PITRM1: variants seen among roughly 807,000 people sequenced by gnomAD.
PITRM1 encodes pitrilysin metallopeptidase 1, also known as presequence protease, mitochondrial.
A neutral mutation model predicts 129.9 loss-of-function variants in PITRM1; 100 were observed. That is an observed-to-expected ratio of 0.77 (90% CI 0.65 to 0.91). The LOEUF is 0.91. Ranked by LOEUF, PITRM1 falls within the 40% of genes least tolerant of loss-of-function variation. PITRM1 has a pLI of 0.00. For synonymous variants in PITRM1, 591 were observed against 508.8 expected (o/e 1.16, Z -2.17); for missense variants, 1,471 against 1,318.3 (o/e 1.12, Z -1.79).
intron 16 of PITRM1, chr10:3,149,274 G>A (rs1288678256): frequency 1.6e-5 from 3 of 182,390 alleles, no homozygotes; most frequent in Non-Finnish European, 3.4e-5. Context: ...AGCCACGCAC[G>A]CAGCAGGCAC....
Position 3,138,732 on chromosome 10 carries a change from C to G in PITRM1, c.2917+172G>C. The G allele has an allele frequency of 5.2e-6, 4 of 775,704 alleles. No individual in the cohort carries two copies. In the Middle Eastern group the frequency reaches 7.4e-4, roughly 144 times the overall value. The allele number at this position is 775,704 out of a possible 1,614,324, so 48.1% of individuals were successfully genotyped here. Reference sequence around the variant, plus strand: ...AACAAATGACAGGATGCACTCTTCTCGCCCGGATGTCAGGAAGCGTGTTTA... The same window carrying G: ...AACAAATGACAGGATGCACTCTTCTGGCCCGGATGTCAGGAAGCGTGTTTA... On this transcript the variant is annotated intron_variant, in intron 25 of 26. Transcript: ENST00000224949.
Position 3,158,993 on chromosome 10 carries a change from A to C in PITRM1, c.1057T>G (p.Leu353Val). ...AAGGGAGAATTGGGCCCAGAAGTCA[A>C]GAGTGAAGACAGAAGACTTAATGTG... ...AFTLSLLSSL[L>V]TSGPNSPFYK... The change falls in exon 10 of 27, where the codon TTG becomes GTG. Residue 353 changes from leucine to valine, a missense_variant. Transcript: ENST00000224949. The C allele has an allele frequency of 6.2e-7, 1 of 1,613,862 alleles. No individual in the cohort carries two copies. The highest frequency in any genetic ancestry group is 8.5e-7 in the Non-Finnish European group (1 of 1,179,752).
chr10:3,162,879 C>G (rs1296673240), intron 7 of PITRM1, among the ~76,000 whole-genome samples: 1 of 152,154 alleles, frequency 6.6e-6, no homozygotes, highest in Non-Finnish European at 1.5e-5. Flanking sequence ...GCAACAAACA[C>G]TTTGGGGCCA....
chr10:3,144,208 A>C (rs2132371301), intron 22 of PITRM1, 84 bp downstream of exon 22: 2 of 766,332 alleles, frequency 2.6e-6, no homozygotes, highest in East Asian at 5.4e-5. Context: ...AGGCGGACGG[A>C]GGAACATTCG....
At chr10:3,141,835 C>T (rs1420318594) in intron 23 of PITRM1, 6 of 278,140 alleles carry the variant, frequency 2.2e-5, no homozygotes, top group Non-Finnish European at 1.5e-5. Flanking sequence ...ACGACCATCT[C>T]GTGTGGGTCC....
At chr10:3,154,913 G>A (rs1295102184) in intron 14 of PITRM1, among the ~76,000 whole-genome samples, 2 of 152,248 alleles carry the variant, frequency 1.3e-5, no homozygotes, top group East Asian at 3.9e-4. Context: ...AGGTCGTCAT[G>A]TCATGCTTAG....
rs935349784 is a variant in PITRM1, at chr10:3,147,361, C to T, written c.2236-111G>A. ...CCTGCTTGGGCAGGGGTTATGTGTGCGAGTGCACGGCTTGGGCAGGGCTGG... is the reference window on the plus strand; with the variant it reads ...CCTGCTTGGGCAGGGGTTATGTGTGTGAGTGCACGGCTTGGGCAGGGCTGG... On this transcript the variant is annotated intron_variant, in intron 19 of 26. Transcript: ENST00000224949. 1.1e-4 allele frequency: 112 copies of T among 988,526 alleles called. 3 individuals are homozygous for T. The highest frequency in any genetic ancestry group is 7.0e-4 in the South Asian group (49 of 70,322). The allele number at this position is 988,526 out of a possible 1,614,324, so 61.2% of individuals were successfully genotyped here.
In PITRM1 at chr10:3,148,221, C is replaced by T. The variant is rs1183441915; in HGVS notation, c.1942G>A (p.Ala648Thr). The T allele has an allele frequency of 1.9e-6, 3 of 1,614,006 alleles. No individual in the cohort carries two copies. The East Asian group carries it at 6.7e-5, about 36-fold the overall frequency. Residue 648 changes from alanine (A) to threonine (T), a missense_variant, in exon 17 of 27, where the codon GCT becomes ACT. By Grantham distance (58) the Ala-to-Thr change is moderately conservative (BLOSUM62 0). Transcript: ENST00000224949. ...TCGTCGGGGAGCACGTGGGGAGAAG[C>T]ACTCATCCCTCCGGTCTTCAATTCT... ...QIELKTGGMS[A>T]SPHVLPDDSH...
intron 2 of PITRM1, among the ~76,000 whole-genome samples, chr10:3,167,443 C>T (rs1001059129): frequency 6.6e-6 from 1 of 152,148 alleles, no homozygotes; most frequent in African/African-American, 2.4e-5. Flanking sequence ...TACTCATTTA[C>T]AGACGAAAAA....
At chr10:3,159,116 T>G in intron 9 of PITRM1, 74 bp from the exon 10 acceptor site, 3 of 1,269,360 alleles carry the variant, frequency 2.4e-6, no homozygotes, top group Non-Finnish European at 3.3e-6. Context: ...ATGCACATTT[T>G]ATTTAAAACC....
chr10:3,155,143 C>T (rs138317305), intron 14 of PITRM1, among the ~76,000 whole-genome samples: 2,810 of 152,238 alleles, frequency 0.018, 97 homozygotes, highest in African/African-American at 0.065. Flanking sequence ...CCATGCCCAC[C>T]GCTCCACCAT....
At chr10:3,143,065 ATTCGATTT>A in intron 23 of PITRM1, 1 of 189,984 alleles carries the variant, frequency 5.3e-6, no homozygotes, top group Non-Finnish European at 9.4e-6. Context: ...GCCTAAATTC[ATTCGATTT>A]TTACCTAGAG....
In PITRM1 at chr10:3,150,383, G is replaced by A. The variant is rs567564137; in HGVS notation, c.1739-630C>T. ...AACAGATCAGAGAGATGTCAGCCTC[G>A]AGTTCCACTCACATGCGCCCACACA... On this transcript the variant is annotated intron_variant, in intron 15 of 26. Coordinates refer to ENST00000224949, the MANE Select transcript of PITRM1 (RefSeq NM_014889.4). Among the ~76,000 whole-genome samples the A allele has an allele frequency of 2.6e-5, 4 of 152,228 alleles. No homozygotes were observed. In the South Asian group the frequency reaches 6.2e-4, roughly 24 times the overall value.
intron 1 of PITRM1, among the ~76,000 whole-genome samples, chr10:3,171,035 G>A (rs1307778160): frequency 6.6e-6 from 1 of 151,210 alleles, no homozygotes; most frequent in Non-Finnish European, 1.5e-5. Flanking sequence ...CTTACACTGC[G>A]GCCCCAGCAC....
intron 2 of PITRM1, among the ~76,000 whole-genome samples, chr10:3,168,997 G>T (rs1843122954): frequency 6.6e-6 from 1 of 151,504 alleles, no homozygotes; most frequent in South Asian, 2.1e-4. Context: ...CCTTGTCCCA[G>T]CTACTTGGCA....
At chr10:3,145,136 A>G in intron 21 of PITRM1, 1 of 161,082 alleles carries the variant, frequency 6.2e-6, no homozygotes, top group Non-Finnish European at 1.4e-5. Context: ...TCCTCCACGG[A>G]GCAGCACGGC....
chr10:3,167,389 T>C (rs1842964565), intron 2 of PITRM1, among the ~76,000 whole-genome samples: 1 of 152,242 alleles, frequency 6.6e-6, no homozygotes, highest in Admixed American at 6.5e-5. Flanking sequence ...GGCTAGGCAT[T>C]TTCTAATCAT....
intron 15 of PITRM1, 57 bp from the exon 16 acceptor site, chr10:3,149,810 G>A (rs1841323234): frequency 6.4e-7 from 1 of 1,562,072 alleles, no homozygotes; most frequent in Non-Finnish European, 8.8e-7. Context: ...CTAACCACTT[G>A]TAATATTTAA....
Position 3,170,221 on chromosome 10 carries a change from A to C in PITRM1, c.57-15T>G. On this transcript the variant is annotated splice_polypyrimidine_tract_variant and intron_variant, in intron 1 of 26. Coordinates refer to ENST00000224949, the MANE Select transcript of PITRM1 (RefSeq NM_014889.4). ...GGTGTGCATGTCTAGATTAAAAGTC[A>C]TCTAAGTTAGATGAGTTGCAGGAAA... 2 of 1,604,302 alleles carry C rather than the reference A, an allele frequency of 1.2e-6. No individual in the cohort carries two copies. The highest frequency in any genetic ancestry group is 3.3e-4 in the Middle Eastern group (2 of 6,028).
Sources: allele counts gnomAD v4.1 joint callset (sites outside exome capture counted in the v4.1 genomes callset), GRCh38; gene constraint gnomAD v4.1.1; transcripts MANE v1.5; gene names NCBI Gene and HGNC (gene_info 2026-07-23, HGNC 2026-07-21).